Variants in ADAM20 observed in about 807,000 individuals in gnomAD.
ADAM20 encodes disintegrin and metalloproteinase domain-containing protein 20.
For synonymous variants in ADAM20, 305 were observed against 310.2 expected (o/e 0.98, Z 0.18); for missense variants, 871 against 883.2 (o/e 0.99, Z 0.18).
chr14:70,568,392 CAA>C, the ADAM20 span, among the ~76,000 whole-genome samples: 10 of 150,546 alleles, frequency 6.6e-5, no homozygotes, highest in African/African-American at 2.5e-4. Context: ...AGATCCCATG[CAA>C]ATGATAGCAA....
At chr14:70,557,268 G>C in the ADAM20 span, 5 of 152,272 alleles carry the variant, frequency 3.3e-5, 1 homozygote, top group South Asian at 1.0e-3. Context: ...GTCTAGAAAA[G>C]ATATATATGA....
chr14:70,575,195 A>AAT, the ADAM20 span, among the ~76,000 whole-genome samples: 25 of 150,026 alleles, frequency 1.7e-4, no homozygotes, highest in East Asian at 3.9e-4. Context: ...ATAAAATATA[A>AAT]ATATATATAT....
intron 1 of ADAM20, among the ~76,000 whole-genome samples, chr14:70,532,702 G>T (rs1883739151): frequency 6.6e-6 from 1 of 152,120 alleles, no homozygotes; most frequent in Admixed American, 6.5e-5. Flanking sequence ...ACATGATAAG[G>T]CCCAAGGCCC....
At chr14:70,558,410 AT>A in the ADAM20 span, among the ~76,000 whole-genome samples, 2 of 152,192 alleles carry the variant, frequency 1.3e-5, no homozygotes, top group African/African-American at 4.8e-5. Flanking sequence ...CCAATTAGAT[AT>A]CTGGATAATG....
At position 70,524,719 on chromosome 14, in the gene ADAM20, A is replaced by G. The variant is rs761674464; in HGVS notation, c.39T>C (p.Thr13=). The part of the protein sequence containing the change: ...VGEPLVHIRV[T]LLLLWFGMFL... ...ACATCCCAAACCAGAGCAGCAGAAG[A>G]GTGACCCTGATGTGCACCAGGGGCT... The change falls in exon 2 of 2, where the codon ACT becomes ACC. Residue 13 remains threonine (T), a synonymous_variant. Transcript: ENST00000256389. 1 of 1,613,950 alleles carries G rather than the reference A, an allele frequency of 6.2e-7. No individual in the cohort carries two copies. The highest frequency in any genetic ancestry group is 1.7e-5 in the Admixed American group (1 of 59,984).
chr14:70,530,253 A>AG (rs1404924546), intron 1 of ADAM20, among the ~76,000 whole-genome samples: 2 of 152,224 alleles, frequency 1.3e-5, no homozygotes, highest in Non-Finnish European at 2.9e-5. Flanking sequence ...CACAGGGTGA[A>AG]GATCATCAAT....
chr14:70,545,080 T>C, the ADAM20 span, among the ~76,000 whole-genome samples: 1 of 152,192 alleles, frequency 6.6e-6, no homozygotes, highest in African/African-American at 2.4e-5. Context: ...AAAACACCTT[T>C]AAAAATACAA....
chr14:70,575,222 T>C, the ADAM20 span, among the ~76,000 whole-genome samples: 1 of 151,610 alleles, frequency 6.6e-6, no homozygotes. Flanking sequence ...TGAGGCAGAG[T>C]CTTGCTCGGT....
At chr14:70,565,734 T>C in the ADAM20 span, among the ~76,000 whole-genome samples, 2 of 152,384 alleles carry the variant, frequency 1.3e-5, no homozygotes, top group South Asian at 4.1e-4. Flanking sequence ...AACAAATATT[T>C]ATGTTGCATT....
At chr14:70,568,600 G>A in the ADAM20 span, among the ~76,000 whole-genome samples, 1 of 152,150 alleles carries the variant, frequency 6.6e-6, no homozygotes, top group South Asian at 2.1e-4. Context: ...TAAGATCCAA[G>A]AGAAAGTTGA....
intron 1 of ADAM20, among the ~76,000 whole-genome samples, chr14:70,526,021 C>T (rs1883583496): frequency 6.6e-6 from 1 of 152,156 alleles, no homozygotes; most frequent in Non-Finnish European, 1.5e-5. Flanking sequence ...CTCAATGTTC[C>T]AAAGAAAGCC....
chr14:70,558,502 T>C, the ADAM20 span, among the ~76,000 whole-genome samples: 252 of 152,234 alleles, frequency 1.7e-3, no homozygotes, highest in Non-Finnish European at 3.1e-3. Context: ...TGTGTGTGTG[T>C]GTGGTGCCAA....
chr14:70,571,402 T>G, the ADAM20 span, among the ~76,000 whole-genome samples: 6 of 152,306 alleles, frequency 3.9e-5, no homozygotes, highest in African/African-American at 1.2e-4. Flanking sequence ...CGCCACCTTC[T>G]CTCTGCACTT....
chr14:70,574,611 GC>G, the ADAM20 span, among the ~76,000 whole-genome samples: 1 of 151,902 alleles, frequency 6.6e-6, no homozygotes, highest in Admixed American at 6.6e-5. Flanking sequence ...CTGCACTCCA[GC>G]CTGGGGGACA....
At chr14:70,531,690 G>A (rs1317529005) in intron 1 of ADAM20, among the ~76,000 whole-genome samples, 6 of 151,844 alleles carry the variant, frequency 4.0e-5, no homozygotes, top group Non-Finnish European at 7.4e-5. Flanking sequence ...CAAAAGTCAC[G>A]TGCATAATTA....
the ADAM20 span, among the ~76,000 whole-genome samples, chr14:70,564,971 C>T: frequency 6.6e-6 from 1 of 150,538 alleles, no homozygotes; most frequent in Non-Finnish European, 1.5e-5. Context: ...TTGCTTGAGC[C>T]CCGGAGTTTG....
the ADAM20 span, among the ~76,000 whole-genome samples, chr14:70,563,844 C>T: frequency 4.8e-4 from 73 of 152,350 alleles, no homozygotes; most frequent in Non-Finnish European, 9.3e-4. Flanking sequence ...GTACAGCCTG[C>T]AGTACCATAA....
chr14:70,525,895 C>A (rs896268433), intron 1 of ADAM20, among the ~76,000 whole-genome samples: 12 of 152,094 alleles, frequency 7.9e-5, no homozygotes, highest in Non-Finnish European at 1.3e-4. Flanking sequence ...GGACAGGGCA[C>A]ACAGCCAACT....
chr14:70,544,791 C>T, the ADAM20 span, among the ~76,000 whole-genome samples: 2 of 152,034 alleles, frequency 1.3e-5, no homozygotes, highest in Non-Finnish European at 2.9e-5. Flanking sequence ...TCAAACATCA[C>T]ACTATATCCC....
Sources: gnomAD v4.1 joint callset for allele counts (sites outside exome capture counted in the v4.1 genomes callset) on GRCh38, gnomAD v4.1.1 for gene constraint, MANE v1.5 for transcripts, NCBI Gene and HGNC (gene_info 2026-07-23, HGNC 2026-07-21) for gene names.